The following SH3TC2 variants were observed in gnomAD, a reference collection of about 807,000 sequenced individuals.
The protein encoded by SH3TC2 is SH3 domain and tetratricopeptide repeats 2, also known as SH3 domain and tetratricopeptide repeat-containing protein 2.
A neutral mutation model predicts 124.5 loss-of-function variants in SH3TC2; 87 were observed. That is an observed-to-expected ratio of 0.70 (90% CI 0.59 to 0.84). The LOEUF is 0.84. Among genes scored for constraint, SH3TC2 ranks in the 40% least tolerant of loss-of-function variants. SH3TC2 has a pLI of 0.00. For missense variants in SH3TC2, 1,536 were observed against 1,566.4 expected, an observed-to-expected ratio of 0.98 and a Z score of 0.33; for synonymous variants, 634 against 628.5, an observed-to-expected ratio of 1.01 and a Z score of -0.13.
chr5:149,026,036 G>C (rs893691540), intron 12 of SH3TC2: 2 of 154,578 alleles, frequency 1.3e-5, no homozygotes, highest in Non-Finnish European at 2.9e-5. Flanking sequence ...TTAAAGGTAA[G>C]TTCCCGATAA....
chr5:149,026,589 C>T lies in SH3TC2; in HGVS notation c.3036G>A (p.Arg1012=). Residue 1012 remains arginine, a synonymous_variant, in exon 12 of 17, where the codon CGG becomes CGA. Coordinates refer to ENST00000515425, the MANE Select transcript of SH3TC2 (RefSeq NM_024577.4). ...TGACTCACCTGGCGGTATTTAGGTT[C>T]CGATAAAGCTGCCCCAGGGACTCCA... ...RLLESLGQLY[R]NLNTARSLRR... 6.2e-7 allele frequency: 1 copy of T among 1,614,140 alleles called. No homozygotes were observed. Among genetic ancestry groups the T allele is most frequent in the Non-Finnish European group, 8.5e-7 (1 of 1,180,050 alleles).
rs141893132 is a variant in SH3TC2 at position 149,027,944 on chromosome 5, A to T, written c.1788T>A (p.Gly596=). The T allele has an allele frequency of 4.3e-5, 70 of 1,614,008 alleles. No homozygotes were observed. In the African/African-American group the frequency reaches 5.2e-4, roughly 12 times the overall value. The change falls in exon 11 of 17, where the codon GGT becomes GGA. Residue 596 remains glycine, a synonymous_variant. Transcript: ENST00000515425. ...HKGSALLEKA[G]ALLACLPDRE... is the part of the protein sequence containing the mutation. Reference sequence around the variant, plus strand: ...GGTCAGGCAGGCAGGCCAGCAGGGCACCTGCCTTTTCCAACAGGGCGGAGC... The same window carrying T: ...GGTCAGGCAGGCAGGCCAGCAGGGCTCCTGCCTTTTCCAACAGGGCGGAGC...
At chr5:149,054,087 C>A (rs748625890) in intron 1 of SH3TC2, among the ~76,000 whole-genome samples, 1 of 152,086 alleles carries the variant, frequency 6.6e-6, no homozygotes, top group South Asian at 2.1e-4. Flanking sequence ...ATGTTTGAGG[C>A]GATGTGATTT....
Position 149,027,348 on chromosome 5 carries a change from G to A in SH3TC2, c.2384C>T (p.Ser795Phe). ...TGCCAGGCAGAGAGAAGACTCAAAGGATTCCTGCTCACCCAGCAGCTGCCC... is the reference window on the plus strand; with the variant it reads ...TGCCAGGCAGAGAGAAGACTCAAAGAATTCCTGCTCACCCAGCAGCTGCCC... ...VLGQLLGEQE[S>F]FESSLCLAWA... The change falls in exon 11 of 17, where the codon TCC becomes TTC. Residue 795 changes from serine (S) to phenylalanine (F), a missense_variant. By Grantham distance (155) the Ser-to-Phe change is radical. Coordinates refer to ENST00000515425, the MANE Select transcript of SH3TC2 (RefSeq NM_024577.4). 1 of 1,614,018 alleles carries A rather than the reference G, an allele frequency of 6.2e-7. No homozygotes were observed. The highest frequency in any genetic ancestry group is 8.5e-7 in the Non-Finnish European group (1 of 1,180,024).
intron 1 of SH3TC2, among the ~76,000 whole-genome samples, chr5:149,062,038 A>T (rs369870715): frequency 3.9e-5 from 6 of 152,228 alleles, no homozygotes; most frequent in Non-Finnish European, 5.9e-5. Context: ...CATAAGACTA[A>T]AGAAGAAAGT....
chr5:149,059,643 T>C (rs1166412356), intron 1 of SH3TC2, among the ~76,000 whole-genome samples: 1 of 147,200 alleles, frequency 6.8e-6, no homozygotes, highest in Non-Finnish European at 1.5e-5. Flanking sequence ...TGATAATGTT[T>C]AGCAAAAAAA....
At chr5:149,048,667 C>T (rs1323810948) in intron 2 of SH3TC2, among the ~76,000 whole-genome samples, 1 of 152,074 alleles carries the variant, frequency 6.6e-6, no homozygotes, top group East Asian at 1.9e-4. Flanking sequence ...ACAGGCAGTC[C>T]CTGTTCTGAT....
chr5:149,012,728 G>A lies in SH3TC2; in HGVS notation c.3060C>T (p.Leu1020=), dbSNP rs936607344. The A allele has an allele frequency of 2.5e-6, 4 of 1,614,000 alleles. No homozygotes were observed. Among genetic ancestry groups the A allele is most frequent in the Non-Finnish European group, 3.4e-6 (4 of 1,180,026 alleles). The change falls in exon 13 of 17, where the codon CTC becomes CTT. Residue 1020 remains leucine (L), a synonymous_variant. Coordinates refer to ENST00000515425, the MANE Select transcript of SH3TC2 (RefSeq NM_024577.4). ...LYRNLNTARS[L]RRSLTCIKES... is the part of the protein sequence containing the mutation. Reference sequence around the variant, plus strand: ...CCTTGATGCATGTGAGTGACCTCCTGAGGGACCTGGGGACAGACATGAACT... The same window carrying A: ...CCTTGATGCATGTGAGTGACCTCCTAAGGGACCTGGGGACAGACATGAACT...
At chr5:149,044,430 T>G in intron 4 of SH3TC2, 103 bp downstream of exon 4, 1 of 868,342 alleles carries the variant, frequency 1.2e-6, no homozygotes, top group Non-Finnish European at 1.9e-6. Flanking sequence ...AAGGCTCTAT[T>G]TCTCTTAATT....
Position 149,028,365 on chromosome 5 carries a change from AG to A in SH3TC2, c.1366del (p.Leu456Ter), listed in dbSNP as rs1580901363. 1 of 1,614,174 alleles carries A rather than the reference AG, an allele frequency of 6.2e-7. No homozygotes were observed. Among genetic ancestry groups the A allele is most frequent in the Middle Eastern group, 1.6e-4 (1 of 6,062 alleles). ...DLDDPELLMDLSTGQEEEAEN... is the reference protein window; with the variant it reads ...DLDDPELLMDXSTGQEEEAEN... ...AGCCTCCTCCTCCTGACCAGTGCTT[AG>A]GTCCATGAGCAGTTCCGGGTCATCA... On this transcript the variant is annotated frameshift_variant, in exon 11 of 17. Coordinates refer to ENST00000515425, the MANE Select transcript of SH3TC2 (RefSeq NM_024577.4). LOFTEE classifies it high-confidence loss of function.
At position 149,027,901 on chromosome 5, in the gene SH3TC2, G is replaced by T. The variant is rs886060197; in HGVS notation, c.1831C>A (p.His611Asn). Reference sequence around the variant, plus strand: ...ACGTAGGCCACCACGTCGAGTTCATGCTTGGCACTAGACTCACGGTCAGGC... The same window carrying T: ...ACGTAGGCCACCACGTCGAGTTCATTCTTGGCACTAGACTCACGGTCAGGC... ...CLPDRESSAKHELDVVAYVLR... is the reference protein window; with the variant it reads ...CLPDRESSAKNELDVVAYVLR... The change falls in exon 11 of 17, where the codon CAT becomes AAT. Residue 611 changes from histidine to asparagine, a missense_variant. By Grantham distance (68) the His-to-Asn change is moderately conservative. This residue lies in a region of SH3TC2 where 1,102 missense variants were observed against 1,098.6 expected (regional missense o/e 1.00). Transcript: ENST00000515425. 1 of 1,613,998 alleles carries T rather than the reference G, an allele frequency of 6.2e-7. No individual in the cohort carries two copies. Among genetic ancestry groups the T allele is most frequent in the Middle Eastern group, 1.6e-4 (1 of 6,062 alleles).
In SH3TC2 at chr5:148,986,955, A is replaced by G. The variant is rs539785903; in HGVS notation, c.*17756T>C. On this transcript the variant is annotated 3_prime_UTR_variant, in exon 17 of 17. Coordinates refer to ENST00000515425, the MANE Select transcript of SH3TC2 (RefSeq NM_024577.4). ...TTCCAAGGAGAGGCAGAGTTTTCAA[A>G]GACTCCAGTTCAATGCCAGGGAGCT... 2.8e-4 allele frequency among the ~76,000 whole-genome samples: 42 copies of G among 152,372 alleles called. No individual in the cohort carries two copies. Among genetic ancestry groups the G allele is most frequent in the African/African-American group, 9.6e-4 (40 of 41,588 alleles).
rs1308058909 is a variant in SH3TC2 at position 149,028,381 on chromosome 5, C to G, written c.1351G>C (p.Glu451Gln). 1 of 1,614,020 alleles carries G rather than the reference C, an allele frequency of 6.2e-7. No homozygotes were observed. The highest frequency in any genetic ancestry group is 8.5e-7 in the Non-Finnish European group (1 of 1,180,036). Residue 451 changes from glutamate to glutamine, a missense_variant, in exon 11 of 17, where the codon GAA (glutamate) becomes CAA (glutamine). Coordinates refer to ENST00000515425, the MANE Select transcript of SH3TC2 (RefSeq NM_024577.4). ...CCAGTGCTTAGGTCCATGAGCAGTT[C>G]CGGGTCATCAAGGTCATCAGGCTCC... ...LPEPDDLDDPELLMDLSTGQE... is the reference protein window; with the variant it reads ...LPEPDDLDDPQLLMDLSTGQE...
At position 148,986,054 on chromosome 5, in the gene SH3TC2, C is replaced by A. The variant is rs926186595; in HGVS notation, c.*18657G>T. Among the ~76,000 whole-genome samples the A allele has an allele frequency of 6.6e-6, 1 of 152,128 alleles. No homozygotes were observed. Among genetic ancestry groups the A allele is most frequent in the African/African-American group, 2.4e-5 (1 of 41,424 alleles). ...CTTGGTGTTTAAAAGGAAATTAGAACTCATTAGTTCAACTTCTTTAAGTAA... is the reference window on the plus strand; with the variant it reads ...CTTGGTGTTTAAAAGGAAATTAGAAATCATTAGTTCAACTTCTTTAAGTAA... On this transcript the variant is annotated 3_prime_UTR_variant, in exon 17 of 17. Coordinates refer to ENST00000515425, the MANE Select transcript of SH3TC2 (RefSeq NM_024577.4).
chr5:149,040,424 A>AC (rs1229117965), intron 7 of SH3TC2, among the ~76,000 whole-genome samples, 180 bp downstream of exon 7: 3 of 152,046 alleles, frequency 2.0e-5, no homozygotes, highest in African/African-American at 7.3e-5. Flanking sequence ...CTGGATTGAG[A>AC]CCTCTCATTT....
At chr5:149,010,833 A>C (rs2127393017) in intron 13 of SH3TC2, among the ~76,000 whole-genome samples, 1 of 152,344 alleles carries the variant, frequency 6.6e-6, no homozygotes, top group South Asian at 2.1e-4. Flanking sequence ...TATATAGCAA[A>C]ACTATGAATT....
intron 1 of SH3TC2, 143 bp downstream of exon 1, chr5:149,062,828 G>T: frequency 1.3e-6 from 1 of 781,574 alleles, no homozygotes; most frequent in Non-Finnish European, 2.2e-6. Context: ...CACTTACCCA[G>T]GGAGGAAGGA....
Position 148,990,159 on chromosome 5 carries a change from C to A in SH3TC2, c.*14552G>T, listed in dbSNP as rs575838244. On this transcript the variant is annotated 3_prime_UTR_variant, in exon 17 of 17. Coordinates refer to ENST00000515425, the MANE Select transcript of SH3TC2 (RefSeq NM_024577.4). The stretch of plus-strand genomic sequence containing the variant: ...GGTATGCTCTGGGTGCGCTAGGCTA[C>A]TCTGTTTTGTTCTTTCTCTGATTTA... 6.6e-6 allele frequency among the ~76,000 whole-genome samples: 1 copy of A among 152,146 alleles called. No homozygotes were observed. Among genetic ancestry groups the A allele is most frequent in the East Asian group, 1.9e-4 (1 of 5,166 alleles).
rs1410831153 is a variant in SH3TC2, at chr5:148,997,382, G to A, written c.*7329C>T. 6.6e-6 allele frequency among the ~76,000 whole-genome samples: 1 copy of A among 152,202 alleles called. No individual in the cohort carries two copies. Among genetic ancestry groups the A allele is most frequent in the African/African-American group, 2.4e-5 (1 of 41,448 alleles). On this transcript the variant is annotated 3_prime_UTR_variant, in exon 17 of 17. Transcript: ENST00000515425. The stretch of plus-strand genomic sequence containing the variant: ...TGACCAATCACTACTATAGGTCAAA[G>A]CTTTCTGTTCCTCCTTCTATTTTCC...
Sources: gnomAD v4.1 joint callset for allele counts (sites outside exome capture counted in the v4.1 genomes callset) on GRCh38, gnomAD v4.1.1 for gene constraint, gnomAD v4.1.1 regional missense constraint, MANE v1.5 for transcripts, NCBI Gene and HGNC (gene_info 2026-07-23, HGNC 2026-07-21) for gene names.